The following DYM variants were observed in gnomAD, a reference collection of about 807,000 sequenced individuals.
The protein encoded by DYM is dymeclin.
Under a neutral mutation model 93.1 loss-of-function variants are expected in DYM, and 78 were observed. The ratio of observed to expected loss-of-function variants is 0.84; its 90% CI spans 0.70 to 1.01. The LOEUF is 1.01. Ranked by LOEUF, DYM falls within the 50% of genes least tolerant of loss-of-function variation. The probability of loss-of-function intolerance (pLI) is 0.00; values close to 1 mark genes in which losing one functional copy is unlikely to be tolerated. For synonymous variants in DYM, 321 were observed against 319.7 expected (o/e 1.00, Z -0.04); for missense variants, 789 against 845.0 (o/e 0.93, Z 0.82).
chr18:49,200,256 T>G (rs965595091), intron 14 of DYM, among the ~76,000 whole-genome samples: 3 of 152,052 alleles, frequency 2.0e-5, no homozygotes, highest in Non-Finnish European at 4.4e-5. Flanking sequence ...TTTTTTTAAT[T>G]TGTAAAAGAT....
At chr18:49,315,523 A>T (rs902660869) in intron 8 of DYM, among the ~76,000 whole-genome samples, 2 of 152,184 alleles carry the variant, frequency 1.3e-5, no homozygotes, top group African/African-American at 4.8e-5. Flanking sequence ...CTTTCCACCT[A>T]TCTTTGCCCA....
chr18:49,383,124 C>G (rs1328485071), intron 3 of DYM, among the ~76,000 whole-genome samples: 3 of 152,036 alleles, frequency 2.0e-5, no homozygotes, highest in African/African-American at 7.2e-5. Context: ...AAGAAAAAGA[C>G]AGATGAAAAG....
intron 16 of DYM, 105 bp from the exon 17 acceptor site, chr18:49,097,620 A>G: frequency 9.7e-7 from 1 of 1,030,150 alleles, no homozygotes; most frequent in Non-Finnish European, 1.5e-6. Context: ...CCATTCCTAC[A>G]GTGACCCGGC....
chr18:49,379,478 C>T (rs1295805469), intron 4 of DYM, among the ~76,000 whole-genome samples, 187 bp downstream of exon 4: 2 of 152,056 alleles, frequency 1.3e-5, no homozygotes, highest in African/African-American at 2.4e-5. Context: ...ATCAGATTCC[C>T]GAATCTATAA....
chr18:49,246,376 T>C (rs2094166700), intron 13 of DYM, among the ~76,000 whole-genome samples: 2 of 152,222 alleles, frequency 1.3e-5, no homozygotes, highest in Admixed American at 1.3e-4. Flanking sequence ...TAAAAGTCCA[T>C]GAAACACATG....
intron 15 of DYM, among the ~76,000 whole-genome samples, chr18:49,158,641 A>C (rs563156249): frequency 6.6e-6 from 1 of 152,298 alleles, no homozygotes; most frequent in South Asian, 2.1e-4. Context: ...CTCTGTCTTC[A>C]TGAGTTCAGT....
chr18:49,102,119 A>G (rs966786195), intron 16 of DYM, among the ~76,000 whole-genome samples: 1 of 152,186 alleles, frequency 6.6e-6, no homozygotes, highest in Non-Finnish European at 1.5e-5. Context: ...AGGAACCAAT[A>G]ATGATAATGT....
intron 13 of DYM, among the ~76,000 whole-genome samples, chr18:49,242,924 T>C (rs2094061712): frequency 6.6e-6 from 1 of 152,026 alleles, no homozygotes; most frequent in African/African-American, 2.4e-5. Context: ...ATGGTCTCGA[T>C]CTCCTGACCT....
intron 13 of DYM, among the ~76,000 whole-genome samples, chr18:49,212,790 T>C (rs1230367160): frequency 6.6e-6 from 1 of 152,104 alleles, no homozygotes; most frequent in East Asian, 1.9e-4. Context: ...AGCCACCATG[T>C]CCGGCCTAAT....
At chr18:49,164,734 G>T (rs1467529474) in intron 14 of DYM, among the ~76,000 whole-genome samples, 1 of 152,160 alleles carries the variant, frequency 6.6e-6, no homozygotes, top group Non-Finnish European at 1.5e-5. Flanking sequence ...CAGAGATTTT[G>T]GGGACCATAA....
At chr18:49,271,013 A>G (rs1056810650) in intron 11 of DYM, among the ~76,000 whole-genome samples, 2 of 152,186 alleles carry the variant, frequency 1.3e-5, no homozygotes, top group African/African-American at 4.8e-5. Context: ...ACTATGTACA[A>G]CAAGGTACAG....
chr18:49,171,098 GGGA>G (rs1366236626), intron 14 of DYM, among the ~76,000 whole-genome samples: 1 of 152,178 alleles, frequency 6.6e-6, no homozygotes, highest in African/African-American at 2.4e-5. Flanking sequence ...ACTGTCAGAG[GGGA>G]GGAGGAGGCG....
chr18:49,386,171 T>G (rs890941173), intron 3 of DYM, among the ~76,000 whole-genome samples: 4 of 152,048 alleles, frequency 2.6e-5, no homozygotes, highest in Non-Finnish European at 5.9e-5. Flanking sequence ...AAATTTCTCA[T>G]GATTTTCAGG....
intron 5 of DYM, 89 bp from the exon 6 acceptor site, chr18:49,363,322 A>G (rs1482289144): frequency 2.2e-6 from 2 of 905,226 alleles, no homozygotes; most frequent in East Asian, 5.1e-5. Flanking sequence ...CCTAATGAGA[A>G]TACAAACAGT....
At chr18:49,436,574 C>T (rs555451921) in intron 1 of DYM, among the ~76,000 whole-genome samples, 4 of 152,186 alleles carry the variant, frequency 2.6e-5, no homozygotes, top group South Asian at 4.1e-4. Flanking sequence ...TTTAAACAAA[C>T]GAGTAAAAAA....
At chr18:49,054,467 T>C (rs982076705) in intron 17 of DYM, among the ~76,000 whole-genome samples, 15 of 152,206 alleles carry the variant, frequency 9.9e-5, no homozygotes, top group African/African-American at 3.6e-4. Flanking sequence ...GGTCTTGAAC[T>C]CCTGACCTCA....
chr18:49,110,284 T>G lies in DYM; in HGVS notation c.1911+8460A>C, dbSNP rs372149222. Among the ~76,000 whole-genome samples, 169 of 152,342 alleles carry G rather than the reference T, an allele frequency of 1.1e-3. 4 individuals carry two copies. The South Asian group carries it at 0.033, about 29-fold the overall frequency. On this transcript the variant is annotated intron_variant, in intron 16 of 17. Coordinates refer to ENST00000675505, the MANE Select transcript of DYM (RefSeq NM_001353214.3). ...GTGAATCAACATAAGAAAAAGCTTT[T>G]TATGTTTACCTTTATTTTTGCTATT...
intron 13 of DYM, among the ~76,000 whole-genome samples, chr18:49,246,462 C>G (rs975323381): frequency 2.6e-4 from 40 of 152,196 alleles, no homozygotes; most frequent in African/African-American, 9.4e-4. Context: ...TATAACATAT[C>G]AAATATCACA....
chr18:49,340,037 G>A (rs2063984802), intron 6 of DYM, among the ~76,000 whole-genome samples: 2 of 151,736 alleles, frequency 1.3e-5, no homozygotes, highest in South Asian at 4.1e-4. Context: ...TGCAAGCTCC[G>A]CCTCCTGGAT....
Sources: gnomAD v4.1 joint callset for allele counts (sites outside exome capture counted in the v4.1 genomes callset) on GRCh38, gnomAD v4.1.1 for gene constraint, MANE v1.5 for transcripts, NCBI Gene and HGNC (gene_info 2026-07-23, HGNC 2026-07-21) for gene names.